The following IVD variants were observed in gnomAD, a reference collection of about 807,000 sequenced individuals.
IVD encodes isovaleryl-CoA dehydrogenase.
A neutral mutation model predicts 51.3 loss-of-function variants in IVD; 31 were observed. The observed-to-expected ratio is 0.60, with a 90% CI of 0.45 to 0.81. The LOEUF is 0.81. IVD is among the 40% of genes least tolerant of loss of function. The pLI is 0.00. For missense variants in IVD, 475 were observed against 552.0 expected (o/e 0.86, Z 1.40); for synonymous variants, 205 against 219.4 (o/e 0.93, Z 0.58).
intron 11 of IVD, 105 bp from the exon 12 acceptor site, chr15:40,418,025 A>T: frequency 1.1e-5 from 16 of 1,451,840 alleles, no homozygotes; most frequent in Non-Finnish European, 1.4e-5. Context: ...CTTTTCTTTA[A>T]TCACCCTCTC....
At position 40,411,563 on chromosome 15, in the gene IVD, T is replaced by C. The variant is rs1891089621; in HGVS notation, c.559T>C (p.Tyr187His). ...KLKAEKKGNHYILNGNKFWIT... is the reference protein window; with the variant it reads ...KLKAEKKGNHHILNGNKFWIT... ...CAACATCCTGCCCTTAGGAAATCAC[T>C]ACATCCTGAATGGCAACAAGTTCTG... Residue 187 changes from tyrosine (Y) to histidine (H), a missense_variant, in exon 6 of 12, where the codon TAC becomes CAC. Physicochemically the swap from Tyr to His is moderately conservative, Grantham distance 83. Transcript: ENST00000487418. 6.2e-7 allele frequency: 1 copy of C among 1,614,200 alleles called. No individual in the cohort carries two copies. Among genetic ancestry groups the C allele is most frequent in the Non-Finnish European group, 8.5e-7 (1 of 1,180,036 alleles).
downstream of IVD, among the ~76,000 whole-genome samples, chr15:40,424,936 A>G (rs955527552): frequency 6.6e-6 from 1 of 152,186 alleles, no homozygotes; most frequent in Non-Finnish European, 1.5e-5. Context: ...TGGCAGAAAC[A>G]GCAGGGCCAG....
intron 7 of IVD, 85 bp downstream of exon 7, chr15:40,413,172 G>T: frequency 9.3e-7 from 1 of 1,077,486 alleles, no homozygotes; most frequent in Non-Finnish European, 1.4e-6. Flanking sequence ...AAAGCCTCTG[G>T]GTTAGAGAGG....
chr15:40,411,120 G>C (rs1891027580), intron 4 of IVD, 140 bp from the exon 5 acceptor site: 1 of 876,708 alleles, frequency 1.1e-6, no homozygotes, highest in Non-Finnish European at 1.9e-6. Context: ...GCTTAGAAGA[G>C]ACTTCTAGGA....
intron 9 of IVD, among the ~76,000 whole-genome samples, chr15:40,415,798 C>T (rs1391414966): frequency 6.6e-6 from 1 of 152,176 alleles, no homozygotes; most frequent in Non-Finnish European, 1.5e-5. Context: ...TCCGAAGAAG[C>T]TGCTGGAAGG....
chr15:40,422,663 G>C (rs982291637), downstream of IVD, among the ~76,000 whole-genome samples: 5 of 135,016 alleles, frequency 3.7e-5, no homozygotes, highest in Non-Finnish European at 7.7e-5. Flanking sequence ...GCAGTGGCGC[G>C]ATCCCAGCTC....
chr15:40,409,981 C>T lies in IVD; in HGVS notation c.287-647C>T, dbSNP rs193212878. 1.9e-3 allele frequency among the ~76,000 whole-genome samples: 285 copies of T among 152,170 alleles called. 1 individual carries two copies. Among genetic ancestry groups the T allele is most frequent in the African/African-American group, 6.5e-3 (268 of 41,528 alleles). On this transcript the variant is annotated intron_variant, in intron 3 of 11. Coordinates refer to ENST00000487418, the MANE Select transcript of IVD (RefSeq NM_002225.5). ...CCTCCCGAGTAGCTGGGACTACAGGCGCCCGCCACCATGCCCGGCTAATTT... is the reference window on the plus strand; with the variant it reads ...CCTCCCGAGTAGCTGGGACTACAGGTGCCCGCCACCATGCCCGGCTAATTT...
At chr15:40,412,455 TGGC>T (rs1891184870) in intron 6 of IVD, among the ~76,000 whole-genome samples, 1 of 152,188 alleles carries the variant, frequency 6.6e-6, no homozygotes, top group Non-Finnish European at 1.5e-5. Flanking sequence ...AGTAGGGACC[TGGC>T]TGAGATTGGA....
chr15:40,425,494 T>C (rs1356148592), downstream of IVD, among the ~76,000 whole-genome samples: 1 of 149,512 alleles, frequency 6.7e-6, no homozygotes, highest in Non-Finnish European at 1.5e-5. Flanking sequence ...TTTTGGCTCA[T>C]CATTGTATAG....
chr15:40,410,157 C>T (rs1419777934), intron 3 of IVD, among the ~76,000 whole-genome samples: 2 of 152,170 alleles, frequency 1.3e-5, no homozygotes, highest in African/African-American at 4.8e-5. Flanking sequence ...TCTTTGGGTT[C>T]AGCCCTATGC....
intron 8 of IVD, chr15:40,435,329 C>T: frequency 1.1e-6 from 1 of 928,680 alleles, no homozygotes. Flanking sequence ...ATTTCTTCCC[C>T]GGGGAAAGAG....
chr15:40,411,234 A>G, intron 4 of IVD, 26 bp from the exon 5 acceptor site: 4 of 1,611,564 alleles, frequency 2.5e-6, no homozygotes, highest in South Asian at 1.1e-5. Context: ...GGTTGTAACA[A>G]GGCCTGTTGG....
Position 40,406,243 on chromosome 15 carries a change from C to T in IVD, c.144+272C>T, listed in dbSNP as rs928960873. The T allele has an allele frequency of 4.7e-6, 7 of 1,488,274 alleles. No homozygotes were observed. The African/African-American group carries it at 9.7e-5, about 21-fold the overall frequency. 92.2% of individuals were successfully genotyped at this position (1,488,274 alleles called of 1,614,324 possible). A position where few individuals can be genotyped will look rare whatever the true frequency, so the allele number is the denominator to read the frequency against. ...AGGAGGAGTCGAGGCTGGGAGAGCTCCTGAGAGACTGATGGTGTTTTGGTG... is the reference window on the plus strand; with the variant it reads ...AGGAGGAGTCGAGGCTGGGAGAGCTTCTGAGAGACTGATGGTGTTTTGGTG... On this transcript the variant is annotated intron_variant, in intron 1 of 11. Transcript: ENST00000487418.
chr15:40,434,552 C>A (rs941389744), intron 8 of IVD, among the ~76,000 whole-genome samples: 1 of 152,102 alleles, frequency 6.6e-6, no homozygotes, highest in East Asian at 1.9e-4. Flanking sequence ...TAAAGACTTA[C>A]GGGCAAAGCA....
At chr15:40,417,995 C>A in intron 11 of IVD, 135 bp from the exon 12 acceptor site, 1 of 1,265,360 alleles carries the variant, frequency 7.9e-7, no homozygotes, top group Non-Finnish European at 1.1e-6. Flanking sequence ...CACACCCCTC[C>A]CTCTTGCTAC....
Position 40,420,246 on chromosome 15 carries a change from C to T in IVD, c.*1983C>T, listed in dbSNP as rs1892173813. 2.0e-6 allele frequency: 2 copies of T among 987,450 alleles called. No homozygotes were observed. The highest frequency in any genetic ancestry group is 2.4e-6 in the Non-Finnish European group (2 of 830,228). The allele number at this position is 987,450 out of a possible 1,614,324, so 61.2% of individuals were successfully genotyped here. On this transcript the variant is annotated 3_prime_UTR_variant, in exon 12 of 12. Coordinates refer to ENST00000487418, the MANE Select transcript of IVD (RefSeq NM_002225.5). ...TGAGCCCTTGTGCACCGCCCTGCCACGGGCACCATCCAGTCCTGGCCGTGT... is the reference window on the plus strand; with the variant it reads ...TGAGCCCTTGTGCACCGCCCTGCCATGGGCACCATCCAGTCCTGGCCGTGT...
At position 40,435,127 on chromosome 15, in the gene IVD, G is replaced by A. The variant is rs576663728; in HGVS notation, c.781-290G>A. Among the ~76,000 whole-genome samples, 6 of 152,330 alleles carry A rather than the reference G, an allele frequency of 3.9e-5. No homozygotes were observed. In the South Asian group the frequency reaches 1.0e-3, roughly 26 times the overall value. On this transcript the variant is annotated intron_variant, in intron 8 of 8. Coordinates refer to the IVD transcript ENST00000473112. ...GAATGAGAAACCAATATAGGATGTC[G>A]TTTGCCCCTGTTCCTATATGGTTTT...
chr15:40,432,186 C>T (rs887705045), intron 7 of IVD, among the ~76,000 whole-genome samples: 3 of 152,266 alleles, frequency 2.0e-5, no homozygotes, highest in East Asian at 1.9e-4. Flanking sequence ...TCAAGTGATC[C>T]GCCCACCTCG....
At chr15:40,413,729 C>T (rs1891341825) in intron 7 of IVD, among the ~76,000 whole-genome samples, 1 of 151,740 alleles carries the variant, frequency 6.6e-6, no homozygotes. Context: ...TTGGCTCTGT[C>T]ACCCAGGCTA....
Sources: gnomAD v4.1 joint callset for allele counts (sites outside exome capture counted in the v4.1 genomes callset) on GRCh38, gnomAD v4.1.1 for gene constraint, MANE v1.5 for transcripts, NCBI Gene and HGNC (gene_info 2026-07-23, HGNC 2026-07-21) for gene names.